The following FOXP1 variants were observed in gnomAD, a reference collection of about 807,000 sequenced individuals.
The protein encoded by FOXP1 is forkhead box P1.
Under a neutral mutation model 98.2 loss-of-function variants are expected in FOXP1, and 15 were observed. That is an observed-to-expected ratio of 0.15 (90% CI 0.10 to 0.24). The LOEUF is 0.24. Among genes scored for constraint, FOXP1 ranks in the 10% least tolerant of loss-of-function variants. The probability of loss-of-function intolerance (pLI) is 1.00; values close to 1 mark genes in which losing one functional copy is unlikely to be tolerated. For missense variants in FOXP1, 633 were observed against 848.5 expected (o/e 0.75, Z 3.15); for synonymous variants, 371 against 314.5 (o/e 1.18, Z -1.90).
chr3:70,987,617 C>A (rs913146671), intron 14 of FOXP1, among the ~76,000 whole-genome samples: 2 of 152,198 alleles, frequency 1.3e-5, no homozygotes, highest in African/African-American at 4.8e-5. Flanking sequence ...AGCTGAAATG[C>A]CTCTTTGCTT....
intron 5 of FOXP1, among the ~76,000 whole-genome samples, chr3:71,240,992 C>G (rs957960777): frequency 6.6e-6 from 1 of 151,374 alleles, no homozygotes; most frequent in South Asian, 2.1e-4. Flanking sequence ...GGGCGGATCA[C>G]GAGGTCAGGA....
At chr3:71,267,122 A>T (rs1157735226) in intron 5 of FOXP1, among the ~76,000 whole-genome samples, 1 of 69,370 alleles carries the variant, frequency 1.4e-5, no homozygotes, top group Non-Finnish European at 3.1e-5. Context: ...TTTATGGGAG[A>T]GAGTGTGTGT....
intron 3 of FOXP1, among the ~76,000 whole-genome samples, chr3:71,450,366 A>C (rs570515796): frequency 6.6e-6 from 1 of 152,322 alleles, no homozygotes; most frequent in South Asian, 2.1e-4. Context: ...CGCCCTCCCC[A>C]GCTCAACCTT....
intron 3 of FOXP1, among the ~76,000 whole-genome samples, chr3:71,467,656 A>T (rs1347898849): frequency 6.6e-6 from 1 of 152,222 alleles, no homozygotes; most frequent in Non-Finnish European, 1.5e-5. Flanking sequence ...ATTGGTCACC[A>T]TGGCAACAAT....
At chr3:70,971,558 G>C (rs1177321894) in intron 18 of FOXP1, 1 of 154,664 alleles carries the variant, frequency 6.5e-6, no homozygotes, top group East Asian at 1.9e-4. Flanking sequence ...TAAAGGAAGT[G>C]TATGCAATAT....
At chr3:71,198,432 G>GGGGCCCCCCCCCCCGCC in intron 5 of FOXP1, 40 bp from the exon 6 acceptor site, 1 of 491,034 alleles carries the variant, frequency 2.0e-6, no homozygotes, top group Non-Finnish European at 4.0e-6. Context: ...GGGAGGGGGG[G>GGGGCCCCCCCCCCCGCC]AGAAAAAAAA....
At chr3:71,209,047 G>A (rs1322435007) in intron 5 of FOXP1, among the ~76,000 whole-genome samples, 1 of 152,084 alleles carries the variant, frequency 6.6e-6, no homozygotes, top group African/African-American at 2.4e-5. Context: ...CATCATATAA[G>A]CCAGAGTGAA....
intron 5 of FOXP1, among the ~76,000 whole-genome samples, chr3:71,296,896 T>C (rs1348731961): frequency 6.6e-6 from 1 of 152,230 alleles, no homozygotes; most frequent in East Asian, 1.9e-4. Context: ...CTTTTTCTCT[T>C]GTCATGTGAC....
At chr3:71,152,563 G>A (rs572163906) in intron 6 of FOXP1, among the ~76,000 whole-genome samples, 3 of 152,248 alleles carry the variant, frequency 2.0e-5, no homozygotes, top group African/African-American at 7.2e-5. Flanking sequence ...GGCCCCCAGC[G>A]TGTGGGGGAC....
At position 71,394,535 on chromosome 3, in the gene FOXP1, G is replaced by C. The variant is rs145930295; in HGVS notation, c.-167-35291C>G. Among the ~76,000 whole-genome samples, 35 of 152,300 alleles carry C rather than the reference G, an allele frequency of 2.3e-4. No individual in the cohort carries two copies. The East Asian group carries it at 6.6e-3, about 29-fold the overall frequency. On this transcript the variant is annotated intron_variant, in intron 3 of 20. Coordinates refer to ENST00000649528, the MANE Select transcript of FOXP1 (RefSeq NM_001349338.3). ...AAAGTCTCTTCAATGGATCAAAGAT[G>C]CATTTTTATAGTTTTAAAAATAGAC... is the stretch of plus-strand genomic sequence containing the variant.
chr3:71,423,798 C>G (rs1013198698), intron 3 of FOXP1, among the ~76,000 whole-genome samples: 1 of 152,190 alleles, frequency 6.6e-6, no homozygotes, highest in Non-Finnish European at 1.5e-5. Context: ...GCCGCCCCGC[C>G]CATTCTATGT....
intron 3 of FOXP1, among the ~76,000 whole-genome samples, chr3:71,493,004 C>G (rs895712250): frequency 6.6e-6 from 1 of 152,020 alleles, no homozygotes; most frequent in East Asian, 1.9e-4. Flanking sequence ...CCTGATCATA[C>G]AAAAAGTTTG....
intron 7 of FOXP1, among the ~76,000 whole-genome samples, chr3:71,106,397 G>A (rs1262639271): frequency 6.6e-6 from 1 of 151,954 alleles, no homozygotes; most frequent in Non-Finnish European, 1.5e-5. Flanking sequence ...GTGCAGTGGC[G>A]TGATCTCGGC....
At chr3:71,363,191 T>A (rs2078691747) in intron 3 of FOXP1, among the ~76,000 whole-genome samples, 1 of 152,216 alleles carries the variant, frequency 6.6e-6, no homozygotes, top group African/African-American at 2.4e-5. Context: ...TTTCAATTTT[T>A]TATTGATATA....
chr3:71,427,470 A>G (rs2084268067), intron 3 of FOXP1, among the ~76,000 whole-genome samples: 1 of 152,356 alleles, frequency 6.6e-6, no homozygotes. Flanking sequence ...GTTTGCAAGG[A>G]GATCACAGAA....
chr3:71,171,126 T>A (rs917895863), intron 6 of FOXP1, among the ~76,000 whole-genome samples: 3 of 152,116 alleles, frequency 2.0e-5, no homozygotes, highest in African/African-American at 7.2e-5. Flanking sequence ...TTAAATAATT[T>A]TTTGGCTAGG....
intron 4 of FOXP1, among the ~76,000 whole-genome samples, chr3:71,352,827 A>G (rs1041195274): frequency 4.6e-5 from 7 of 152,142 alleles, no homozygotes; most frequent in African/African-American, 1.2e-4. Flanking sequence ...ACCTCTCCCT[A>G]CTTTTTAAGC....
At chr3:71,392,772 C>A (rs959524430) in intron 3 of FOXP1, among the ~76,000 whole-genome samples, 1 of 152,062 alleles carries the variant, frequency 6.6e-6, no homozygotes, top group African/African-American at 2.4e-5. Context: ...TAATTTTTTT[C>A]ATGTATTGTT....
chr3:71,463,848 G>C (rs1003338345), intron 3 of FOXP1, among the ~76,000 whole-genome samples: 1 of 152,118 alleles, frequency 6.6e-6, no homozygotes, highest in African/African-American at 2.4e-5. Flanking sequence ...TTGTAATAAC[G>C]GAAGTATGGA....
Sources: gnomAD v4.1 joint callset for allele counts (sites outside exome capture counted in the v4.1 genomes callset) on GRCh38, gnomAD v4.1.1 for gene constraint, MANE v1.5 for transcripts, NCBI Gene and HGNC (gene_info 2026-07-23, HGNC 2026-07-21) for gene names.